Variants in SOX5 observed in about 807,000 individuals in gnomAD.
SOX5 encodes the protein transcription factor SOX-5.
A neutral mutation model predicts 92.0 loss-of-function variants in SOX5; 9 were observed. That is an observed-to-expected ratio of 0.10 (90% CI 0.06 to 0.17). SOX5 has a LOEUF of 0.17. SOX5 is among the 10% of genes least tolerant of loss of function. SOX5 has a pLI of 1.00. For synonymous variants in SOX5, 344 were observed against 336.3 expected, an observed-to-expected ratio of 1.02 and a Z score of -0.25; for missense variants, 642 against 944.5, an observed-to-expected ratio of 0.68 and a Z score of 4.20.
intron 4 of SOX5, among the ~76,000 whole-genome samples, chr12:24,076,775 T>C (rs1569535017): frequency 6.6e-6 from 1 of 150,794 alleles, no homozygotes. Context: ...GCATGAGACT[T>C]CTAATTCTCT....
At chr12:24,327,385 C>CTTTTTTTTTTTT (rs71063311) in intron 2 of SOX5, among the ~76,000 whole-genome samples, 2 of 56,688 alleles carry the variant, frequency 3.5e-5, no homozygotes, top group Admixed American at 2.9e-4. Flanking sequence ...GCAATGGAGA[C>CTTTTTTTTTTTT]TTTTTTTTTT....
At chr12:24,350,335 G>A (rs1953914135) in intron 2 of SOX5, among the ~76,000 whole-genome samples, 1 of 152,016 alleles carries the variant, frequency 6.6e-6, no homozygotes, top group Non-Finnish European at 1.5e-5. Flanking sequence ...GTTTTGTTTT[G>A]CTTTGAGACA....
chr12:23,803,158 T>TTGAACCATA (rs1221106832), intron 3 of SOX5, among the ~76,000 whole-genome samples: 1 of 152,224 alleles, frequency 6.6e-6, no homozygotes, highest in African/African-American at 2.4e-5. Flanking sequence ...CATTAGTATG[T>TTGAACCATA]GAATGGTTCA....
intron 3 of SOX5, among the ~76,000 whole-genome samples, chr12:23,830,384 T>C (rs927606259): frequency 9.2e-5 from 14 of 152,104 alleles, no homozygotes; most frequent in Middle Eastern, 3.2e-3. Context: ...ACAGACTGCA[T>C]AGATGAACAC....
chr12:23,933,816 C>G (rs1941964520), intron 1 of SOX5, among the ~76,000 whole-genome samples: 1 of 151,514 alleles, frequency 6.6e-6, no homozygotes, highest in Non-Finnish European at 1.5e-5. Context: ...AATTTAAGGA[C>G]AGAGGTGGGA....
chr12:23,658,576 G>A (rs2082615344), intron 7 of SOX5, among the ~76,000 whole-genome samples: 7 of 152,124 alleles, frequency 4.6e-5, no homozygotes, highest in Admixed American at 4.6e-4. Flanking sequence ...GGAAGAGCTG[G>A]TCACAATAAT....
chr12:24,461,392 G>A (rs551799835), intron 1 of SOX5, among the ~76,000 whole-genome samples: 1 of 152,276 alleles, frequency 6.6e-6, no homozygotes, highest in African/African-American at 2.4e-5. Flanking sequence ...GAAATGGGAG[G>A]ATGACAATTG....
intron 1 of SOX5, among the ~76,000 whole-genome samples, chr12:24,397,124 CATGATCATCTAGTAAT>C (rs1327967194): frequency 2.0e-5 from 3 of 152,172 alleles, no homozygotes; most frequent in African/African-American, 7.2e-5. Flanking sequence ...ATCATTCTAA[CATGATCATCTAGTAAT>C]ATCAGAAAAA....
At chr12:24,281,453 A>T (rs2140416865) in intron 2 of SOX5, among the ~76,000 whole-genome samples, 1 of 152,334 alleles carries the variant, frequency 6.6e-6, no homozygotes, top group Middle Eastern at 3.4e-3. Context: ...TCTATTTATT[A>T]AGCTAAAAAG....
intron 2 of SOX5, among the ~76,000 whole-genome samples, chr12:24,366,338 G>C (rs1956168099): frequency 6.6e-6 from 1 of 152,108 alleles, no homozygotes; most frequent in Non-Finnish European, 1.5e-5. Context: ...CTCCAAGAGA[G>C]GGGCACAGGA....
intron 1 of SOX5, among the ~76,000 whole-genome samples, chr12:24,551,568 T>C (rs1953172466): frequency 6.6e-6 from 1 of 152,132 alleles, no homozygotes. Flanking sequence ...AGTGCTACAA[T>C]CATACGGAGA....
At chr12:23,911,293 T>C (rs1006874684) in intron 1 of SOX5, among the ~76,000 whole-genome samples, 7 of 152,080 alleles carry the variant, frequency 4.6e-5, no homozygotes, top group Admixed American at 3.9e-4. Flanking sequence ...TTTTGAAAAA[T>C]AAAACTAAAC....
chr12:24,465,760 G>T (rs541171108), intron 1 of SOX5, among the ~76,000 whole-genome samples: 1 of 152,280 alleles, frequency 6.6e-6, no homozygotes, highest in Admixed American at 6.5e-5. Flanking sequence ...TGTGGTAAAT[G>T]GCACTCAAAC....
At chr12:23,989,453 T>C (rs958434410) in intron 4 of SOX5, among the ~76,000 whole-genome samples, 2 of 151,986 alleles carry the variant, frequency 1.3e-5, no homozygotes, top group East Asian at 1.9e-4. Flanking sequence ...CTGTAGGATA[T>C]TGAATGGACA....
chr12:24,076,239 T>G lies in SOX5; in HGVS notation c.-2+137104A>C, dbSNP rs114341483. On this transcript the variant is annotated intron_variant, in intron 4 of 4. Coordinates refer to the SOX5 transcript ENST00000446891. ...TGGTGACCATCACCTAAAACAACTT[T>G]TCTGGAGACGGACCTTGTAAACCCA... Among the ~76,000 whole-genome samples the G allele has an allele frequency of 6.3e-3, 963 of 152,268 alleles. 11 individuals are homozygous for G. Among genetic ancestry groups the G allele is most frequent in the African/African-American group, 0.022 (928 of 41,550 alleles).
chr12:24,360,174 C>T (rs1955380608), intron 2 of SOX5, among the ~76,000 whole-genome samples: 1 of 152,120 alleles, frequency 6.6e-6, no homozygotes, highest in South Asian at 2.1e-4. Flanking sequence ...TAACTTCCTC[C>T]TCAAATAGGT....
intron 1 of SOX5, among the ~76,000 whole-genome samples, chr12:23,904,434 T>C (rs917449658): frequency 1.3e-5 from 2 of 152,132 alleles, no homozygotes; most frequent in Non-Finnish European, 2.9e-5. Context: ...CAAAGAAATA[T>C]AGAAAAAGAC....
chr12:23,909,316 T>G (rs541438524), intron 1 of SOX5, among the ~76,000 whole-genome samples: 77 of 152,348 alleles, frequency 5.1e-4, no homozygotes, highest in African/African-American at 1.8e-3. Flanking sequence ...AGGTGTTTTC[T>G]GAAACACTGT....
intron 1 of SOX5, among the ~76,000 whole-genome samples, chr12:24,543,493 C>G (rs1240820860): frequency 6.6e-6 from 1 of 152,166 alleles, no homozygotes; most frequent in Admixed American, 6.5e-5. Context: ...TCCAGACCAG[C>G]CTGGCCAACA....
Sources: allele counts gnomAD v4.1 joint callset (sites outside exome capture counted in the v4.1 genomes callset), GRCh38; gene constraint gnomAD v4.1.1; transcripts MANE v1.5; gene names NCBI Gene and HGNC (gene_info 2026-07-23, HGNC 2026-07-21).